PEBP4: variants seen among roughly 807,000 people sequenced by gnomAD.
The protein encoded by PEBP4 is phosphatidylethanolamine binding protein 4.
In PEBP4, 22 loss-of-function variants were observed where a neutral mutation model predicts 23.9. The observed-to-expected ratio is 0.92, with a 90% confidence interval of 0.66 to 1.31. The LOEUF (loss-of-function observed/expected upper bound fraction) is 1.31, where lower values mean the gene tolerates loss of function less well. Ranked by LOEUF, PEBP4 falls within the 40% of genes most tolerant of loss-of-function variation. The pLI, the probability that PEBP4 is intolerant of heterozygous loss-of-function variation, is 0.00. For synonymous variants in PEBP4, 112 were observed against 99.3 expected (o/e 1.13, Z -0.76); for missense variants, 324 against 281.7 (o/e 1.15, Z -1.07).
chr8:22,810,732 GAGAA>G (rs934382758), intron 4 of PEBP4, among the ~76,000 whole-genome samples: 4 of 151,470 alleles, frequency 2.6e-5, no homozygotes, highest in African/African-American at 9.7e-5. Context: ...GAGAGAGAAA[GAGAA>G]AGAAAGAGTG....
chr8:22,873,033 T>C (rs1388503069), intron 3 of PEBP4, among the ~76,000 whole-genome samples: 5 of 151,908 alleles, frequency 3.3e-5, no homozygotes, highest in African/African-American at 1.2e-4. Context: ...AGATTAGACA[T>C]AGAAAGGGGA....
intron 4 of PEBP4, among the ~76,000 whole-genome samples, chr8:22,801,961 T>C (rs1806392115): frequency 6.6e-6 from 1 of 152,062 alleles, no homozygotes; most frequent in South Asian, 2.1e-4. Context: ...GTGACTTCCA[T>C]CCTCTTTGAA....
chr8:22,748,108 G>A (rs1041110758), intron 4 of PEBP4, among the ~76,000 whole-genome samples: 4 of 152,198 alleles, frequency 2.6e-5, no homozygotes, highest in South Asian at 2.1e-4. Context: ...GCACACACCC[G>A]GGCAGGGAGG....
intron 4 of PEBP4, among the ~76,000 whole-genome samples, chr8:22,781,748 C>T (rs1805919510): frequency 6.6e-6 from 1 of 152,228 alleles, no homozygotes; most frequent in Admixed American, 6.5e-5. Context: ...CATGTTTGGT[C>T]TTTGAATTTG....
intron 2 of PEBP4, chr8:22,924,922 T>G (rs1809291882): frequency 7.1e-6 from 7 of 985,322 alleles, no homozygotes; most frequent in Non-Finnish European, 8.4e-6. Context: ...ATTCCTCCCT[T>G]ATAGATTAAT....
At chr8:22,913,778 G>A (rs78723974) in intron 3 of PEBP4, among the ~76,000 whole-genome samples, 67 of 152,236 alleles carry the variant, frequency 4.4e-4, no homozygotes, top group African/African-American at 1.6e-3. Flanking sequence ...GCTGTATTTT[G>A]ACACTGCCCT....
intron 3 of PEBP4, among the ~76,000 whole-genome samples, chr8:22,827,497 G>A (rs898491017): frequency 6.6e-6 from 1 of 150,642 alleles, no homozygotes; most frequent in Admixed American, 6.6e-5. Flanking sequence ...CATAATACTT[G>A]TTTTTTTTTG....
rs531198709 is a variant in PEBP4, at chr8:22,810,317, G to C, written c.357+7320C>G. On this transcript the variant is annotated intron_variant, in intron 4 of 6. Transcript: ENST00000256404. Reference sequence around the variant, plus strand: ...TTAAATTACTGCGGCCAGAACAGAAGACATTATTCCAGTGTGGCATAAACA... The same window carrying C: ...TTAAATTACTGCGGCCAGAACAGAACACATTATTCCAGTGTGGCATAAACA... 1.1e-4 allele frequency among the ~76,000 whole-genome samples: 16 copies of C among 152,290 alleles called. No homozygotes were observed. In the South Asian group the frequency reaches 3.1e-3, roughly 30 times the overall value.
chr8:22,823,243 A>G (rs1200208813), intron 3 of PEBP4, among the ~76,000 whole-genome samples: 1 of 151,980 alleles, frequency 6.6e-6, no homozygotes, highest in Non-Finnish European at 1.5e-5. Flanking sequence ...TGGGGAAAAA[A>G]TAGATTATTT....
At chr8:22,914,201 T>G (rs1334010598) in intron 3 of PEBP4, among the ~76,000 whole-genome samples, 1 of 152,042 alleles carries the variant, frequency 6.6e-6, no homozygotes, top group Non-Finnish European at 1.5e-5. Context: ...TTTGCCAGGC[T>G]GATCTCCTGA....
At chr8:22,812,113 T>C (rs905770257) in intron 4 of PEBP4, among the ~76,000 whole-genome samples, 4 of 152,136 alleles carry the variant, frequency 2.6e-5, no homozygotes, top group Admixed American at 6.5e-5. Context: ...TTGTCTCCAC[T>C]CTGAAGAGTG....
intron 4 of PEBP4, among the ~76,000 whole-genome samples, chr8:22,774,765 C>T (rs547216716): frequency 1.3e-5 from 2 of 152,164 alleles, no homozygotes; most frequent in Admixed American, 6.5e-5. Flanking sequence ...TGGCCATCCC[C>T]GAGGCTGTCC....
intron 5 of PEBP4, among the ~76,000 whole-genome samples, chr8:22,726,967 G>A (rs1804632631): frequency 6.6e-6 from 1 of 152,208 alleles, no homozygotes; most frequent in Non-Finnish European, 1.5e-5. Context: ...ACATGGCGCA[G>A]GATGGTCTGT....
chr8:22,740,776 G>C (rs374971942), intron 4 of PEBP4, among the ~76,000 whole-genome samples: 5 of 152,306 alleles, frequency 3.3e-5, no homozygotes, highest in African/African-American at 1.2e-4. Context: ...GTTCAGAGGG[G>C]CTGGGCCAGA....
chr8:22,908,781 G>T (rs1323455489), intron 3 of PEBP4, among the ~76,000 whole-genome samples: 1 of 152,306 alleles, frequency 6.6e-6, no homozygotes, highest in African/African-American at 2.4e-5. Flanking sequence ...GACTGACAGC[G>T]CAATTTTTAA....
chr8:22,933,719 G>A (rs1809495957), intron 1 of PEBP4, among the ~76,000 whole-genome samples: 1 of 152,180 alleles, frequency 6.6e-6, no homozygotes, highest in Non-Finnish European at 1.5e-5. Flanking sequence ...GCTGAAACTA[G>A]GTGAAGAAAT....
intron 3 of PEBP4, among the ~76,000 whole-genome samples, chr8:22,854,254 G>A (rs1807598167): frequency 6.6e-6 from 1 of 152,178 alleles, no homozygotes; most frequent in African/African-American, 2.4e-5. Context: ...CATAGGAGAT[G>A]AAACCTGACT....
At chr8:22,856,209 A>G (rs1201713113) in intron 3 of PEBP4, among the ~76,000 whole-genome samples, 1 of 152,188 alleles carries the variant, frequency 6.6e-6, no homozygotes, top group African/African-American at 2.4e-5. Flanking sequence ...ATGGGCAACA[A>G]TGGAGAGAAA....
In PEBP4 at chr8:22,916,833, G is replaced by A. The variant is rs1274305943; in HGVS notation, c.258+3351C>T. ...AAGTGCTTGAAGCTTTGAGAGACAG[G>A]AATGAGCAACTACAGCACAAGACAC... On this transcript the variant is annotated intron_variant, in intron 3 of 6. Transcript: ENST00000256404. Among the ~76,000 whole-genome samples the A allele has an allele frequency of 2.0e-5, 3 of 152,212 alleles. No homozygotes were observed. The East Asian group carries it at 5.8e-4, about 29-fold the overall frequency.
Sources: allele counts gnomAD v4.1 joint callset (sites outside exome capture counted in the v4.1 genomes callset), GRCh38; gene constraint gnomAD v4.1.1; transcripts MANE v1.5; gene names NCBI Gene and HGNC (gene_info 2026-07-23, HGNC 2026-07-21).